Variants in GARRE1 observed in about 807,000 individuals in gnomAD.
GARRE1 encodes the protein granule associated Rac and RHOG effector 1.
A neutral mutation model predicts 103.2 loss-of-function variants in GARRE1; 49 were observed. The ratio of observed to expected loss-of-function variants is 0.47; its 90% CI spans 0.38 to 0.60. The LOEUF is 0.60. Among genes scored for constraint, GARRE1 ranks in the 20% least tolerant of loss-of-function variants. GARRE1 has a pLI of 0.00. For missense variants in GARRE1, 1,199 were observed against 1,370.5 expected (o/e 0.87, Z 1.98); for synonymous variants, 505 against 532.8 (o/e 0.95, Z 0.72).
intron 1 of GARRE1, among the ~76,000 whole-genome samples, chr19:34,279,487 T>C (rs2073838116): frequency 6.6e-6 from 1 of 151,790 alleles, no homozygotes; most frequent in Admixed American, 6.6e-5. Context: ...GAGACGAGGT[T>C]TCTCCATGTT....
intron 1 of GARRE1, chr19:34,296,723 G>A (rs185904162): frequency 8.6e-6 from 6 of 696,964 alleles, no homozygotes; most frequent in Non-Finnish European, 1.5e-5. Context: ...GTGTGGTATG[G>A]TTCTTGGACT....
At position 34,341,730 on chromosome 19, in the gene GARRE1, G is replaced by T. The variant is rs1313316640; in HGVS notation, c.1796G>T (p.Arg599Met). 1.2e-6 allele frequency: 2 copies of T among 1,614,172 alleles called. No individual in the cohort carries two copies. Among genetic ancestry groups the T allele is most frequent in the Admixed American group, 1.7e-5 (1 of 60,026 alleles). Residue 599 changes from arginine to methionine, a missense_variant, in exon 10 of 14, where the codon AGG becomes ATG. Transcript: ENST00000299505. ...ATTTTGAACATTGGTAATTTCCCCA[G>T]GACTACAGACCCTTCACAGTCAGCT... ...QSILNIGNFP[R>M]TTDPSQSAQN...
At chr19:34,314,750 TTTAG>T (rs2074052600) in intron 2 of GARRE1, among the ~76,000 whole-genome samples, 1 of 152,214 alleles carries the variant, frequency 6.6e-6, no homozygotes, top group South Asian at 2.1e-4. Flanking sequence ...TTTGTTGTTC[TTTAG>T]TTAGTTTTTT....
At chr19:34,292,587 T>C (rs10410548) in intron 1 of GARRE1, among the ~76,000 whole-genome samples, 1 of 152,112 alleles carries the variant, frequency 6.6e-6, no homozygotes, top group Non-Finnish European at 1.5e-5. Context: ...TACTTTATTT[T>C]TTTTTTGAGA....
Position 34,327,975 on chromosome 19 carries a change from C to G in GARRE1, c.943-15C>G. 6.2e-7 allele frequency: 1 copy of G among 1,614,164 alleles called. No homozygotes were observed. The highest frequency in any genetic ancestry group is 8.5e-7 in the Non-Finnish European group (1 of 1,180,030). On this transcript the variant is annotated splice_polypyrimidine_tract_variant and intron_variant, in intron 5 of 13. Transcript: ENST00000299505. ...CGATGGGTCACCTCTCCTCTTCCAT[C>G]CATGCCTTTTCCAGGGCTGCTGCAG...
At chr19:34,330,437 TG>T in intron 7 of GARRE1, 90 bp downstream of exon 7, 1 of 1,337,812 alleles carries the variant, frequency 7.5e-7, no homozygotes, top group Non-Finnish European at 1.0e-6. Context: ...GTGAAAATAT[TG>T]AATAATTTAA....
At chr19:34,320,727 CTT>C (rs796776026) in intron 3 of GARRE1, among the ~76,000 whole-genome samples, 6 of 143,264 alleles carry the variant, frequency 4.2e-5, no homozygotes, top group African/African-American at 5.1e-5. Flanking sequence ...TTTTCTTTTT[CTT>C]TTTTTTTTTT....
chr19:34,279,383 G>A (rs979219897), intron 1 of GARRE1, among the ~76,000 whole-genome samples: 1 of 151,954 alleles, frequency 6.6e-6, no homozygotes, highest in East Asian at 1.9e-4. Context: ...TCGGCTCACT[G>A]CAACCTGTGC....
intron 1 of GARRE1, among the ~76,000 whole-genome samples, chr19:34,291,200 G>T (rs897718992): frequency 6.6e-6 from 1 of 151,906 alleles, no homozygotes; most frequent in Admixed American, 6.6e-5. Context: ...GAGCCACCGC[G>T]CCCAGCCGCA....
chr19:34,327,320 A>G, intron 3 of GARRE1, 101 bp from the exon 4 acceptor site: 3 of 1,113,542 alleles, frequency 2.7e-6, no homozygotes, highest in Non-Finnish European at 3.9e-6. Flanking sequence ...TTATTGCTGC[A>G]TTTTACTTGA....
At chr19:34,263,261 T>A (rs1485779127) in intron 1 of GARRE1, among the ~76,000 whole-genome samples, 2 of 110,026 alleles carry the variant, frequency 1.8e-5, no homozygotes, top group Non-Finnish European at 3.9e-5. Context: ...CCTCTCTCGA[T>A]AGAGAGATAG....
chr19:34,310,185 A>G (rs1599767291), intron 2 of GARRE1, among the ~76,000 whole-genome samples: 1 of 152,246 alleles, frequency 6.6e-6, no homozygotes, highest in East Asian at 1.9e-4. Context: ...ATAATTTCAG[A>G]TAGAACTGGC....
chr19:34,255,491 C>T (rs906961018), intron 1 of GARRE1, among the ~76,000 whole-genome samples: 3 of 152,178 alleles, frequency 2.0e-5, no homozygotes, highest in Non-Finnish European at 4.4e-5. Context: ...TGACAGTCAT[C>T]TGCCAGTCTA....
intron 3 of GARRE1, 132 bp from the exon 4 acceptor site, chr19:34,327,289 T>C (rs902049788): frequency 1.1e-5 from 9 of 811,442 alleles, no homozygotes; most frequent in African/African-American, 1.7e-5. Flanking sequence ...CTAGAACTTC[T>C]AGTTTATTTG....
chr19:34,306,857 G>T (rs2145247439), intron 2 of GARRE1, among the ~76,000 whole-genome samples: 1 of 152,268 alleles, frequency 6.6e-6, no homozygotes, highest in Non-Finnish European at 1.5e-5. Flanking sequence ...CATGTCGATT[G>T]CAGTAGTGAA....
chr19:34,273,586 G>T (rs950920433), intron 1 of GARRE1, among the ~76,000 whole-genome samples: 1 of 152,110 alleles, frequency 6.6e-6, no homozygotes, highest in Non-Finnish European at 1.5e-5. Context: ...TTTTGAATGA[G>T]CTCAGGGGTC....
At chr19:34,331,445 C>G (rs780738270) in intron 7 of GARRE1, among the ~76,000 whole-genome samples, 2 of 152,126 alleles carry the variant, frequency 1.3e-5, no homozygotes, top group Non-Finnish European at 2.9e-5. Flanking sequence ...CTCCCTTGAC[C>G]ACAGTGGTAT....
chr19:34,259,157 G>T (rs2073697176), intron 1 of GARRE1, among the ~76,000 whole-genome samples: 1 of 152,194 alleles, frequency 6.6e-6, no homozygotes, highest in Non-Finnish European at 1.5e-5. Context: ...AACAGAGCGA[G>T]ACCCTGTCTC....
intron 2 of GARRE1, among the ~76,000 whole-genome samples, chr19:34,313,831 C>T (rs777977496): frequency 2.0e-5 from 3 of 152,186 alleles, no homozygotes; most frequent in Non-Finnish European, 2.9e-5. Flanking sequence ...AACGGAGTCT[C>T]GCTCTTTCTC....
Sources: gnomAD v4.1 joint callset for allele counts (sites outside exome capture counted in the v4.1 genomes callset) on GRCh38, gnomAD v4.1.1 for gene constraint, MANE v1.5 for transcripts, NCBI Gene and HGNC (gene_info 2026-07-23, HGNC 2026-07-21) for gene names.